AGR3: variants seen among roughly 807,000 people sequenced by gnomAD.
AGR3 encodes anterior gradient 3, protein disulphide isomerase family member.
In AGR3, 37 loss-of-function variants were observed where a neutral mutation model predicts 24.5. The observed-to-expected ratio is 1.51, with a 90% CI of 1.16 to 1.99. The LOEUF is 1.99. Among genes scored for constraint, AGR3 ranks in the 30% most tolerant of loss-of-function variants. The pLI is 0.00. For missense variants in AGR3, 228 were observed against 191.1 expected, an observed-to-expected ratio of 1.19 and a Z score of -1.14; for synonymous variants, 75 against 61.6, an observed-to-expected ratio of 1.22 and a Z score of -1.02.
rs963264629 is a variant in AGR3, at chr7:16,878,505, A to G, written c.109+5T>C. On this transcript the variant is annotated splice_donor_5th_base_variant and intron_variant, in intron 2 of 7. Coordinates refer to ENST00000310398, the MANE Select transcript of AGR3 (RefSeq NM_176813.5). ...AGTTTAGAAAATAAAATGAGATTAC[A>G]GCACCTCTTGAGAGTGTCTGAGGAG... 13 of 1,608,746 alleles carry G rather than the reference A, an allele frequency of 8.1e-6. No individual in the cohort carries two copies. Among genetic ancestry groups the G allele is most frequent in the African/African-American group, 1.3e-5 (1 of 74,916 alleles).
Position 16,862,024 on chromosome 7 carries a change from T to C in AGR3, c.263A>G (p.Gln88Arg). ...KKVFAQNEEI[Q>R]EMAQNKFIML... ...GATGAACTTATTCTGAGCCATTTCTTGTATTTCTTCATTTTGGGCAAATAC... is the reference window on the plus strand; with the variant it reads ...GATGAACTTATTCTGAGCCATTTCTCGTATTTCTTCATTTTGGGCAAATAC... The change falls in exon 5 of 8, where the codon CAA (glutamine) becomes CGA (arginine). Residue 88 changes from glutamine to arginine, a missense_variant. By Grantham distance (43) the Gln-to-Arg change is conservative. Transcript: ENST00000310398. 1 of 1,613,778 alleles carries C rather than the reference T, an allele frequency of 6.2e-7. No individual in the cohort carries two copies. The highest frequency in any genetic ancestry group is 8.5e-7 in the Non-Finnish European group (1 of 1,179,790).
At chr7:16,863,266 C>T (rs1248513000) in intron 3 of AGR3, among the ~76,000 whole-genome samples, 3 of 152,090 alleles carry the variant, frequency 2.0e-5, no homozygotes, top group Non-Finnish European at 4.4e-5. Context: ...TATTCATTTC[C>T]AATGAACACT....
chr7:16,855,427 C>G (rs1781543504), downstream of AGR3, among the ~76,000 whole-genome samples: 1 of 123,580 alleles, frequency 8.1e-6, no homozygotes, highest in Non-Finnish European at 1.9e-5. Flanking sequence ...TGAATTCATT[C>G]CAGAAAAGAT....
chr7:16,863,268 A>C (rs774411089), intron 3 of AGR3, among the ~76,000 whole-genome samples: 7 of 152,362 alleles, frequency 4.6e-5, no homozygotes, highest in African/African-American at 1.4e-4. Context: ...TTCATTTCCA[A>C]TGAACACTTA....
downstream of AGR3, among the ~76,000 whole-genome samples, chr7:16,855,803 T>C (rs1409480161): frequency 6.6e-6 from 1 of 152,124 alleles, no homozygotes; most frequent in Non-Finnish European, 1.5e-5. Flanking sequence ...AATCAATGGG[T>C]TTAAAAAGTA....
intron 3 of AGR3, chr7:16,865,039 A>G: frequency 1.2e-6 from 1 of 816,344 alleles, no homozygotes; most frequent in Admixed American, 1.7e-5. Context: ...TCATATTCTG[A>G]TAAATGAGAG....
intron 1 of AGR3, 40 bp from the exon 2 acceptor site, chr7:16,878,685 C>T: frequency 1.5e-6 from 2 of 1,365,814 alleles, no homozygotes; most frequent in Non-Finnish European, 2.1e-6. Context: ...CAGTGAATTA[C>T]TTCAAGCTAT....
intron 1 of AGR3, 23 bp from the exon 2 acceptor site, chr7:16,878,668 C>A (rs1483551576): frequency 1.3e-6 from 2 of 1,492,354 alleles, no homozygotes; most frequent in East Asian, 2.3e-5. Context: ...AAGGAATTCT[C>A]AGAATCCAGT....
chr7:16,869,354 C>G (rs1449451847), intron 3 of AGR3, among the ~76,000 whole-genome samples: 1 of 151,926 alleles, frequency 6.6e-6, no homozygotes, highest in Non-Finnish European at 1.5e-5. Context: ...AGTATAGCTA[C>G]TTTGTTTTGT....
At chr7:16,871,597 CT>C (rs1781865636) in intron 3 of AGR3, among the ~76,000 whole-genome samples, 1 of 152,144 alleles carries the variant, frequency 6.6e-6, no homozygotes, top group African/African-American at 2.4e-5. Flanking sequence ...AATCCCAGCA[CT>C]TTGGGAGGTT....
At position 16,861,367 on chromosome 7, in the gene AGR3, T is replaced by C; in HGVS notation, c.367+17A>G. 2 of 1,554,710 alleles carry C rather than the reference T, an allele frequency of 1.3e-6. No individual in the cohort carries two copies. The highest frequency in any genetic ancestry group is 8.7e-7 in the Non-Finnish European group (1 of 1,146,978). ...TACTAATTTTGTAGATCTGATGAAA[T>C]GAGATCACATACATACCTACAAACA... On this transcript the variant is annotated intron_variant, in intron 6 of 7. Transcript: ENST00000310398.
chr7:16,880,147 TTTC>T (rs1409384488), intron 1 of AGR3, among the ~76,000 whole-genome samples: 1 of 141,978 alleles, frequency 7.0e-6, no homozygotes, highest in Non-Finnish European at 1.6e-5. Context: ...TCTCTCTTTC[TTTC>T]TTTTCTTTCT....
intron 3 of AGR3, among the ~76,000 whole-genome samples, chr7:16,869,267 A>T (rs1256455227): frequency 6.6e-6 from 1 of 152,182 alleles, no homozygotes; most frequent in Non-Finnish European, 1.5e-5. Context: ...CTTCTTGGTA[A>T]ATTAATCTCT....
Position 16,878,490 on chromosome 7 carries a change from A to G in AGR3, c.109+20T>C. On this transcript the variant is annotated intron_variant, in intron 2 of 7. Transcript: ENST00000310398. ...CAATCCAAATGACTGAGTTTAGAAA[A>G]TAAAATGAGATTACAGCACCTCTTG... 1 of 1,597,018 alleles carries G rather than the reference A, an allele frequency of 6.3e-7. No homozygotes were observed. The highest frequency in any genetic ancestry group is 1.1e-5 in the South Asian group (1 of 90,610).
rs1695476592 is a variant in AGR3 at position 16,859,441 on chromosome 7, G to A, written c.*141C>T. On this transcript the variant is annotated 3_prime_UTR_variant, in exon 8 of 8. Coordinates refer to ENST00000310398, the MANE Select transcript of AGR3 (RefSeq NM_176813.5). ...ATTTAAAAAACATTTATTTTAATAA[G>A]ACTATTGCAAACACATTAAAAAAAC... 3.3e-6 allele frequency: 2 copies of A among 597,422 alleles called. No individual in the cohort carries two copies. Among genetic ancestry groups the A allele is most frequent in the South Asian group, 1.9e-5 (1 of 53,162 alleles). 37.0% of individuals were successfully genotyped at this position (597,422 alleles called of 1,614,324 possible).
At chr7:16,879,004 G>A (rs1174832890) in intron 1 of AGR3, among the ~76,000 whole-genome samples, 2 of 152,276 alleles carry the variant, frequency 1.3e-5, no homozygotes, top group East Asian at 3.9e-4. Context: ...TGTAAACTAT[G>A]AAGTGACTTT....
chr7:16,881,024 C>T (rs1782108111), intron 1 of AGR3, among the ~76,000 whole-genome samples: 3 of 152,044 alleles, frequency 2.0e-5, no homozygotes, highest in Admixed American at 6.6e-5. Context: ...GGGTCCAAAA[C>T]GTCATTAAAA....
chr7:16,880,167 T>TTTCC (rs1782081858), intron 1 of AGR3, among the ~76,000 whole-genome samples: 1 of 147,626 alleles, frequency 6.8e-6, no homozygotes, highest in African/African-American at 2.5e-5. Flanking sequence ...TTCTCTCTCC[T>TTTCC]TTCTTTCTTT....
At position 16,865,391 on chromosome 7, in the gene AGR3, C is replaced by G. The variant is rs1235969768; in HGVS notation, c.174-2729G>C. On this transcript the variant is annotated intron_variant, in intron 3 of 7. Transcript: ENST00000310398. ...TAATTTTTCCTCCATTCTTGTTAGCCTCTATAGTCACTATTCGATTAAGAA... is the reference window on the plus strand; with the variant it reads ...TAATTTTTCCTCCATTCTTGTTAGCGTCTATAGTCACTATTCGATTAAGAA... 1.6e-5 allele frequency: 16 copies of G among 1,024,606 alleles called. No homozygotes were observed. The African/African-American group carries it at 2.5e-4, about 16-fold the overall frequency. The allele number at this position is 1,024,606 out of a possible 1,614,324, so 63.5% of individuals were successfully genotyped here.
Sources: allele counts gnomAD v4.1 joint callset (sites outside exome capture counted in the v4.1 genomes callset), GRCh38; gene constraint gnomAD v4.1.1; transcripts MANE v1.5; gene names NCBI Gene and HGNC (gene_info 2026-07-23, HGNC 2026-07-21).